The following CACNA2D3 variants were observed in gnomAD, a reference collection of about 807,000 sequenced individuals.
CACNA2D3 encodes voltage-dependent calcium channel subunit alpha-2/delta-3.
A neutral mutation model predicts 160.6 loss-of-function variants in CACNA2D3; 60 were observed. The observed-to-expected ratio is 0.37, with a 90% CI of 0.30 to 0.46. The LOEUF is 0.46. Among genes scored for constraint, CACNA2D3 ranks in the 20% least tolerant of loss-of-function variants. The pLI, the probability that CACNA2D3 is intolerant of heterozygous loss-of-function variation, is 1.00. For synonymous variants in CACNA2D3, 558 were observed against 492.9 expected, an observed-to-expected ratio of 1.13 and a Z score of -1.75; for missense variants, 1,205 against 1,365.0, an observed-to-expected ratio of 0.88 and a Z score of 1.85.
intron 2 of CACNA2D3, among the ~76,000 whole-genome samples, chr3:54,291,359 T>C (rs60385007): frequency 0.2 from 31,149 of 152,192 alleles, 3,356 homozygotes; most frequent in East Asian, 0.25. Flanking sequence ...TATGTAAATA[T>C]TGTCTAAATT....
At chr3:54,688,006 C>T (rs533458152) in intron 11 of CACNA2D3, among the ~76,000 whole-genome samples, 4 of 152,210 alleles carry the variant, frequency 2.6e-5, no homozygotes, top group African/African-American at 9.6e-5. Flanking sequence ...CTTGTCTTTG[C>T]GTCGTTATTA....
Position 54,122,748 on chromosome 3 carries a change from G to C in CACNA2D3, c.35G>C (p.Arg12Pro). 1 of 1,216,980 alleles carries C rather than the reference G, an allele frequency of 8.2e-7. No individual in the cohort carries two copies. Among genetic ancestry groups the C allele is most frequent in the Non-Finnish European group, 1.0e-6 (1 of 976,446 alleles). The allele number at this position is 1,216,980 out of a possible 1,614,324, so 75.4% of individuals were successfully genotyped here. Residue 12 changes from arginine to proline, a missense_variant, in exon 1 of 38, where the codon CGG becomes CCG. By Grantham distance (103) the Arg-to-Pro change is moderately radical (BLOSUM62 -2). Around this residue, in one of 3 missense-constraint regions of CACNA2D3, gnomAD observed 163 missense variants for 161.3 expected, o/e 1.01. Transcript: ENST00000474759. ...CCGGGCTCGCCGCGCCGCGCGTCCC[G>C]GGGGGCCTCGGCGCTTCTCGCTGCC... ...AGPGSPRRAS[R>P]GASALLAAAL...
chr3:54,784,753 G>C (rs1702602024), intron 13 of CACNA2D3, among the ~76,000 whole-genome samples: 1 of 152,188 alleles, frequency 6.6e-6, no homozygotes, highest in African/African-American at 2.4e-5. Flanking sequence ...AGAGGGAGCA[G>C]CAGACTTCGT....
At chr3:54,820,339 C>T (rs147522319) in intron 14 of CACNA2D3, among the ~76,000 whole-genome samples, 1 of 152,134 alleles carries the variant, frequency 6.6e-6, no homozygotes, top group African/African-American at 2.4e-5. Context: ...CCATTAATGA[C>T]TGTTGTCTGT....
At chr3:54,778,100 G>A (rs994108340) in intron 13 of CACNA2D3, among the ~76,000 whole-genome samples, 1 of 152,150 alleles carries the variant, frequency 6.6e-6, no homozygotes, top group Non-Finnish European at 1.5e-5. Flanking sequence ...CATGGCAGAA[G>A]GCAAAGGGGA....
At chr3:54,984,427 G>T (rs747456647) in intron 29 of CACNA2D3, among the ~76,000 whole-genome samples, 181 bp from the exon 30 acceptor site, 3 of 152,238 alleles carry the variant, frequency 2.0e-5, no homozygotes, top group Non-Finnish European at 2.9e-5. Context: ...AAACACCGGG[G>T]TTATCTTAAC....
At chr3:54,917,974 C>G (rs1467746204) in intron 27 of CACNA2D3, among the ~76,000 whole-genome samples, 1 of 152,234 alleles carries the variant, frequency 6.6e-6, no homozygotes, top group Non-Finnish European at 1.5e-5. Context: ...TATCACTGAT[C>G]TAGCATGAAC....
At chr3:54,710,078 A>G (rs1414309165) in intron 11 of CACNA2D3, among the ~76,000 whole-genome samples, 1 of 152,184 alleles carries the variant, frequency 6.6e-6, no homozygotes, top group Non-Finnish European at 1.5e-5. Flanking sequence ...CTAAATATTC[A>G]TTTGTTCATG....
At chr3:54,422,075 C>T (rs961849008) in intron 4 of CACNA2D3, among the ~76,000 whole-genome samples, 4 of 152,210 alleles carry the variant, frequency 2.6e-5, no homozygotes, top group African/African-American at 4.8e-5. Context: ...TCCTTCGCTT[C>T]TAATTGTAGT....
intron 9 of CACNA2D3, among the ~76,000 whole-genome samples, chr3:54,597,510 A>T (rs1702977249): frequency 6.6e-6 from 1 of 152,120 alleles, no homozygotes; most frequent in Non-Finnish European, 1.5e-5. Context: ...AGCCCATCGA[A>T]TGGGCTTAAA....
chr3:55,018,141 G>A, intron 34 of CACNA2D3, 65 bp from the exon 35 acceptor site: 1 of 962,086 alleles, frequency 1.0e-6, no homozygotes, highest in African/African-American at 1.6e-5. Context: ...GCTGTGGGCT[G>A]CCAGTCACAA....
rs143676259 is a variant in CACNA2D3 at position 54,229,352 on chromosome 3, C to T, written c.205-91090C>T. Among the ~76,000 whole-genome samples the T allele has an allele frequency of 5.7e-3, 868 of 152,186 alleles. 13 individuals carry two copies. Among genetic ancestry groups the T allele is most frequent in the African/African-American group, 0.02 (816 of 41,528 alleles). ...GACTACAGGTGCCTGCCACCATGCC[C>T]GGCTGATTTTTGTATTTTGTTTAGT... is the stretch of plus-strand genomic sequence containing the variant. On this transcript the variant is annotated intron_variant, in intron 2 of 37. Transcript: ENST00000474759.
intron 2 of CACNA2D3, among the ~76,000 whole-genome samples, chr3:54,130,771 G>A (rs969067307): frequency 6.6e-6 from 1 of 152,124 alleles, no homozygotes; most frequent in Non-Finnish European, 1.5e-5. Flanking sequence ...CTGAATTTTC[G>A]ATCTCACAGG....
intron 5 of CACNA2D3, among the ~76,000 whole-genome samples, chr3:54,507,769 C>A (rs1205544859): frequency 6.6e-6 from 1 of 152,198 alleles, no homozygotes; most frequent in Non-Finnish European, 1.5e-5. Flanking sequence ...TCCAACCTGA[C>A]AAGGACCCAC....
intron 13 of CACNA2D3, among the ~76,000 whole-genome samples, chr3:54,807,491 A>C (rs975634692): frequency 1.3e-5 from 2 of 152,212 alleles, no homozygotes; most frequent in Admixed American, 1.3e-4. Flanking sequence ...AATGCAAATC[A>C]AAACCACAAT....
At chr3:54,846,061 T>C (rs1698924765) in intron 16 of CACNA2D3, among the ~76,000 whole-genome samples, 1 of 152,128 alleles carries the variant, frequency 6.6e-6, no homozygotes, top group African/African-American at 2.4e-5. Context: ...CACTTGGACA[T>C]AGGGTCTTTA....
chr3:54,916,536 CTT>C (rs1700664207), intron 27 of CACNA2D3, among the ~76,000 whole-genome samples: 1 of 152,188 alleles, frequency 6.6e-6, no homozygotes, highest in Non-Finnish European at 1.5e-5. Context: ...GAAATTTAAA[CTT>C]TGTCCCCTAG....
intron 35 of CACNA2D3, among the ~76,000 whole-genome samples, chr3:55,026,826 G>A (rs1703572311): frequency 6.6e-6 from 1 of 152,198 alleles, no homozygotes; most frequent in African/African-American, 2.4e-5. Context: ...CCTGACACCG[G>A]TATGGAACCA....
chr3:54,209,777 G>A (rs1450601925), intron 2 of CACNA2D3, among the ~76,000 whole-genome samples: 1 of 152,212 alleles, frequency 6.6e-6, no homozygotes, highest in East Asian at 1.9e-4. Context: ...TACGTTGGCT[G>A]TCTAGAAACG....
Sources: allele counts gnomAD v4.1 joint callset (sites outside exome capture counted in the v4.1 genomes callset), GRCh38; gene constraint gnomAD v4.1.1; regional missense constraint gnomAD v4.1.1; transcripts MANE v1.5; gene names NCBI Gene and HGNC (gene_info 2026-07-23, HGNC 2026-07-21).